TNRC6A: variants seen among roughly 807,000 people sequenced by gnomAD.
TNRC6A encodes trinucleotide repeat containing adaptor 6A.
A neutral mutation model predicts 221.2 loss-of-function variants in TNRC6A; 44 were observed. That is an observed-to-expected ratio of 0.20 (90% CI 0.16 to 0.26). The LOEUF (loss-of-function observed/expected upper bound fraction) is 0.26. Among genes scored for constraint, TNRC6A ranks in the 10% least tolerant of loss-of-function variants. The pLI is 1.00. For synonymous variants in TNRC6A, 847 were observed against 838.5 expected, an observed-to-expected ratio of 1.01 and a Z score of -0.18; for missense variants, 2,199 against 2,404.4, an observed-to-expected ratio of 0.91 and a Z score of 1.79.
At position 24,807,008 on chromosome 16, in the gene TNRC6A, C is replaced by CT. The variant is rs770899112; in HGVS notation, c.4540+239dup. On this transcript the variant is annotated intron_variant, in intron 17 of 24. Transcript: ENST00000395799. ...CACGATTTTTCTTTTCTTTCCTTTT[C>CT]TTTTTTTTTTTTTTTAGGACAGAGT... is the stretch of plus-strand genomic sequence containing the variant. 5.2e-3 allele frequency among the ~76,000 whole-genome samples: 735 copies of CT among 141,026 alleles called. 6 individuals carry two copies. The highest frequency in any genetic ancestry group is 7.5e-3 in the Middle Eastern group (2 of 268). The allele number at this position is 141,026 out of a possible 152,430, so 92.5% of individuals were successfully genotyped here. A position where few individuals can be genotyped will look rare whatever the true frequency, so the allele number is the denominator to read the frequency against.
intron 2 of TNRC6A, among the ~76,000 whole-genome samples, chr16:24,658,087 C>A (rs919092675): frequency 1.3e-5 from 2 of 152,022 alleles, no homozygotes; most frequent in Non-Finnish European, 2.9e-5. Flanking sequence ...TATATAGAAG[C>A]AGAATTGCTT....
chr16:24,790,449 A>G lies in TNRC6A; in HGVS notation c.1807A>G (p.Thr603Ala). 6.2e-7 allele frequency: 1 copy of G among 1,614,120 alleles called. No homozygotes were observed. The highest frequency in any genetic ancestry group is 8.5e-7 in the Non-Finnish European group (1 of 1,180,018). The change falls in exon 6 of 25, where the codon ACC (threonine) becomes GCC (alanine). Residue 603 changes from threonine (T) to alanine (A), a missense_variant. Physicochemically the swap from Thr to Ala is moderately conservative, Grantham distance 58. Coordinates refer to ENST00000395799, the MANE Select transcript of TNRC6A (RefSeq NM_014494.4). ...TGGAGGAAGTCGAAGAGGATGGGGA[A>G]CCCCTGCACAAAACACTGGCACTAA... The part of the protein sequence containing the change: ...NSGGSRRGWG[T>A]PAQNTGTNLP...
At chr16:24,742,918 G>A (rs1313814008) in intron 2 of TNRC6A, among the ~76,000 whole-genome samples, 2 of 152,134 alleles carry the variant, frequency 1.3e-5, no homozygotes, top group African/African-American at 2.4e-5. Context: ...GTGACAGAGC[G>A]AGATGCTGTC....
chr16:24,631,550 T>C (rs1158652696), intron 1 of TNRC6A, among the ~76,000 whole-genome samples: 1 of 152,060 alleles, frequency 6.6e-6, no homozygotes, highest in Non-Finnish European at 1.5e-5. Context: ...GGTGGGTGGA[T>C]CACTTGAGGT....
chr16:24,726,252 A>G (rs2056489590), upstream of TNRC6A, among the ~76,000 whole-genome samples: 1 of 152,054 alleles, frequency 6.6e-6, no homozygotes, highest in Non-Finnish European at 1.5e-5. Flanking sequence ...TACCCATCCT[A>G]AAGGGAGAGT....
In TNRC6A at chr16:24,716,045, C is replaced by T. The variant is rs144018188; in HGVS notation, n.403-34681C>T. 3.9e-5 allele frequency among the ~76,000 whole-genome samples: 6 copies of T among 152,130 alleles called. No homozygotes were observed. In the East Asian group the frequency reaches 9.7e-4, roughly 25 times the overall value. On this transcript the variant is annotated intron_variant and non_coding_transcript_variant, in intron 2 of 2. Transcript: ENST00000566108. ...GTTCTCTCCTCTTTGGTACTCTGAC[C>T]TGCAAACTAGCCACTTTGGTCTCTA...
At chr16:24,749,882 G>A (rs1340234421) in intron 2 of TNRC6A, among the ~76,000 whole-genome samples, 1 of 152,148 alleles carries the variant, frequency 6.6e-6, no homozygotes, top group Non-Finnish European at 1.5e-5. Context: ...GCTCACACCT[G>A]TAATCCCAAC....
intron 2 of TNRC6A, among the ~76,000 whole-genome samples, chr16:24,703,333 A>G (rs1399907652): frequency 1.3e-5 from 2 of 152,192 alleles, no homozygotes; most frequent in East Asian, 3.8e-4. Context: ...TTCACTTACC[A>G]TAATGTTTTC....
rs750221626 is a variant in TNRC6A, at chr16:24,758,378, A to AT, written c.163+24dup. 1.7e-5 allele frequency: 28 copies of AT among 1,609,164 alleles called. No individual in the cohort carries two copies. Among genetic ancestry groups the AT allele is most frequent in the Non-Finnish European group, 2.2e-5 (26 of 1,176,514 alleles). ...AATCAAAGGTACGTTGTTTAAAGCT[A>AT]TTTTTTATCCCTTTTTTCATTAAAG... On this transcript the variant is annotated intron_variant, in intron 4 of 24. Transcript: ENST00000395799.
intron 2 of TNRC6A, among the ~76,000 whole-genome samples, chr16:24,675,954 T>C (rs2055413192): frequency 6.6e-6 from 1 of 151,224 alleles, no homozygotes. Context: ...TTCCCACTTG[T>C]CCCAAGCAAT....
At chr16:24,817,775 C>G (rs2058684500) in intron 20 of TNRC6A, among the ~76,000 whole-genome samples, 1 of 152,136 alleles carries the variant, frequency 6.6e-6, no homozygotes, top group Non-Finnish European at 1.5e-5. Context: ...ACAGAGGTAA[C>G]AAGCAGAGAA....
At chr16:24,701,827 C>T (rs2055983482) in intron 2 of TNRC6A, among the ~76,000 whole-genome samples, 1 of 152,176 alleles carries the variant, frequency 6.6e-6, no homozygotes. Context: ...CCATCCTTTC[C>T]TCCTTCCTTC....
Position 24,794,738 on chromosome 16 carries a change from A to T in TNRC6A, c.3528+19A>T. ...ATCGAAGGTAAACATTTCAAGGGCA[A>T]AGCCCTTGAAACTTTAAATTCCAAA... is the stretch of plus-strand genomic sequence containing the variant. On this transcript the variant is annotated intron_variant, in intron 8 of 24. Coordinates refer to ENST00000395799, the MANE Select transcript of TNRC6A (RefSeq NM_014494.4). 1.9e-6 allele frequency: 3 copies of T among 1,578,486 alleles called. No individual in the cohort carries two copies. The highest frequency in any genetic ancestry group is 2.6e-6 in the Non-Finnish European group (3 of 1,167,310).
chr16:24,691,589 C>T (rs770125893), intron 2 of TNRC6A, among the ~76,000 whole-genome samples: 5 of 151,832 alleles, frequency 3.3e-5, no homozygotes, highest in Admixed American at 2.0e-4. Context: ...GCCAACATGA[C>T]GAAACTCATC....
intron 2 of TNRC6A, among the ~76,000 whole-genome samples, chr16:24,706,890 A>G (rs1462421947): frequency 6.6e-6 from 1 of 152,040 alleles, no homozygotes; most frequent in Non-Finnish European, 1.5e-5. Context: ...AGCCATTTGA[A>G]AAACTTAAGT....
chr16:24,728,664 C>A (rs74908776), upstream of TNRC6A, among the ~76,000 whole-genome samples: 1 of 152,096 alleles, frequency 6.6e-6, no homozygotes, highest in Admixed American at 6.5e-5. Context: ...CTTACTGTAT[C>A]TACATGTATG....
At chr16:24,706,691 C>CA (rs372757286) in intron 2 of TNRC6A, among the ~76,000 whole-genome samples, 5,763 of 84,984 alleles carry the variant, frequency 0.068, 288 homozygotes, top group South Asian at 0.094. Context: ...GACTCTGTCT[C>CA]AAAAAAAAAA....
Position 24,824,301 on chromosome 16 carries a change from A to C in TNRC6A, c.*494A>C, listed in dbSNP as rs1274921731. ...TGTTCTTAGGAGGCGTGCGCTCTCT[A>C]CTATGCCTTGATGTTGCCTACCTTA... On this transcript the variant is annotated 3_prime_UTR_variant, in exon 25 of 25. Transcript: ENST00000395799. 1 of 152,614 alleles carries C rather than the reference A, an allele frequency of 6.6e-6. No individual in the cohort carries two copies. Among genetic ancestry groups the C allele is most frequent in the Non-Finnish European group, 1.5e-5 (1 of 68,086 alleles). 9.5% of individuals were successfully genotyped at this position (152,614 alleles called of 1,614,324 possible).
chr16:24,670,365 C>G (rs1567341983), intron 2 of TNRC6A, among the ~76,000 whole-genome samples: 1 of 152,116 alleles, frequency 6.6e-6, no homozygotes. Flanking sequence ...TAAGGTCAGT[C>G]TCACTCCCAG....
Sources: allele counts gnomAD v4.1 joint callset (sites outside exome capture counted in the v4.1 genomes callset), GRCh38; gene constraint gnomAD v4.1.1; transcripts MANE v1.5; gene names NCBI Gene and HGNC (gene_info 2026-07-23, HGNC 2026-07-21).